Variants in ZBTB20 observed in about 807,000 individuals in gnomAD.
ZBTB20 encodes the protein zinc finger and BTB domain-containing protein 20.
Under a neutral mutation model 56.9 loss-of-function variants are expected in ZBTB20, and 9 were observed. The ratio of observed to expected loss-of-function variants is 0.16; its 90% CI spans 0.10 to 0.28. The LOEUF (loss-of-function observed/expected upper bound fraction) is 0.28. Among genes scored for constraint, ZBTB20 ranks in the 10% least tolerant of loss-of-function variants. The pLI is 1.00. For missense variants in ZBTB20, 655 were observed against 1,003.0 expected (o/e 0.65, Z 4.69); for synonymous variants, 417 against 420.7 (o/e 0.99, Z 0.11).
At chr3:114,525,498 C>A (rs1205677942) in intron 6 of ZBTB20, among the ~76,000 whole-genome samples, 2 of 152,032 alleles carry the variant, frequency 1.3e-5, no homozygotes, top group South Asian at 2.1e-4. Flanking sequence ...CATACCAATT[C>A]TTTGAGTCCC....
intron 10 of ZBTB20, among the ~76,000 whole-genome samples, chr3:114,365,767 T>C (rs2082333044): frequency 6.6e-6 from 1 of 152,140 alleles, no homozygotes; most frequent in South Asian, 2.1e-4. Flanking sequence ...ATGGTATCTA[T>C]CAAAAACAGG....
At chr3:114,913,024 A>C (rs2107716779) in intron 3 of ZBTB20, among the ~76,000 whole-genome samples, 1 of 152,158 alleles carries the variant, frequency 6.6e-6, no homozygotes, top group South Asian at 2.1e-4. Flanking sequence ...AGCTATTTTA[A>C]CTAGTGCTGC....
intron 6 of ZBTB20, among the ~76,000 whole-genome samples, chr3:114,673,745 A>C (rs543907760): frequency 6.6e-6 from 1 of 152,152 alleles, no homozygotes; most frequent in East Asian, 1.9e-4. Flanking sequence ...TAGGGAAAAT[A>C]TCTCATCAGT....
chr3:114,786,720 G>GT (rs2070519937), intron 5 of ZBTB20, among the ~76,000 whole-genome samples: 1 of 150,854 alleles, frequency 6.6e-6, no homozygotes, highest in South Asian at 2.1e-4. Flanking sequence ...GTGGCTAAAA[G>GT]AAAAAAAGTA....
At chr3:114,377,997 T>C (rs1205988687) in intron 10 of ZBTB20, among the ~76,000 whole-genome samples, 1 of 152,212 alleles carries the variant, frequency 6.6e-6, no homozygotes, top group African/African-American at 2.4e-5. Context: ...GCACTATTTT[T>C]AAATGCCCCA....
intron 1 of ZBTB20, among the ~76,000 whole-genome samples, chr3:115,092,119 A>C (rs1464804174): frequency 6.6e-6 from 1 of 152,182 alleles, no homozygotes; most frequent in African/African-American, 2.4e-5. Context: ...AAAAGTAGTA[A>C]AGTGCACACA....
chr3:114,373,514 T>C (rs750393979), intron 10 of ZBTB20, among the ~76,000 whole-genome samples: 2 of 152,228 alleles, frequency 1.3e-5, no homozygotes, highest in Admixed American at 1.3e-4. Context: ...CTATTCCTTC[T>C]GCCTGGAATG....
At chr3:114,368,740 C>T (rs912670442) in intron 10 of ZBTB20, among the ~76,000 whole-genome samples, 5 of 152,208 alleles carry the variant, frequency 3.3e-5, no homozygotes, top group East Asian at 1.9e-4. Context: ...AGTGGGGGCA[C>T]GCTTTGCCTG....
intron 4 of ZBTB20, among the ~76,000 whole-genome samples, chr3:114,838,854 A>G (rs1447008829): frequency 8.5e-5 from 13 of 152,206 alleles, no homozygotes; most frequent in Non-Finnish European, 1.6e-4. Flanking sequence ...GGAGTTTGCC[A>G]TCAGAGAGGC....
chr3:114,579,156 C>T (rs539065931), intron 6 of ZBTB20, among the ~76,000 whole-genome samples: 17 of 151,836 alleles, frequency 1.1e-4, no homozygotes, highest in African/African-American at 4.1e-4. Flanking sequence ...AAACCACCTA[C>T]AGATTTCAAG....
At chr3:114,928,032 T>C (rs1313413076) in intron 3 of ZBTB20, among the ~76,000 whole-genome samples, 1 of 152,270 alleles carries the variant, frequency 6.6e-6, no homozygotes, top group Non-Finnish European at 1.5e-5. Context: ...ATTAAGCTAC[T>C]ATGAGACTTT....
At chr3:114,382,520 C>A (rs2084501895) in intron 8 of ZBTB20, among the ~76,000 whole-genome samples, 3 of 152,186 alleles carry the variant, frequency 2.0e-5, no homozygotes, top group Admixed American at 6.5e-5. Context: ...TCCCATATTT[C>A]ATCTCTGCCC....
At chr3:114,673,158 G>C (rs1275979510) in intron 6 of ZBTB20, among the ~76,000 whole-genome samples, 1 of 152,064 alleles carries the variant, frequency 6.6e-6, no homozygotes, top group Non-Finnish European at 1.5e-5. Context: ...CCAAAGTAAG[G>C]ACAGCGGGCC....
At position 115,085,949 on chromosome 3, in the gene ZBTB20, A is replaced by C. The variant is rs2082970203; in HGVS notation, c.-702-14535T>G. Among the ~76,000 whole-genome samples, 4 of 152,030 alleles carry C rather than the reference A, an allele frequency of 2.6e-5. No homozygotes were observed. The South Asian group carries it at 8.3e-4, about 32-fold the overall frequency. ...CACTCAAATTTAGGAGTTCATAAAA[A>C]CAATTTTTAAAAGCACCTAAATATA... is the stretch of plus-strand genomic sequence containing the variant. On this transcript the variant is annotated intron_variant, in intron 1 of 11. Coordinates refer to ENST00000675478, the MANE Select transcript of ZBTB20 (RefSeq NM_001348800.3).
intron 6 of ZBTB20, among the ~76,000 whole-genome samples, chr3:114,610,532 C>T (rs188385576): frequency 1.9e-4 from 29 of 152,304 alleles, no homozygotes; most frequent in African/African-American, 6.5e-4. Context: ...CATTTTTCAT[C>T]CCAACTGCAG....
chr3:114,738,082 T>C (rs76985899), intron 5 of ZBTB20, among the ~76,000 whole-genome samples: 2 of 152,112 alleles, frequency 1.3e-5, no homozygotes, highest in African/African-American at 4.8e-5. Flanking sequence ...AATATGATAA[T>C]TTAATGTGAG....
chr3:114,639,343 T>C (rs938003442), intron 6 of ZBTB20, among the ~76,000 whole-genome samples: 2 of 152,052 alleles, frequency 1.3e-5, no homozygotes, highest in African/African-American at 2.4e-5. Flanking sequence ...TAGGGAGGAC[T>C]TTGGTGGCAG....
chr3:114,739,542 TCA>T (rs2066428830), intron 5 of ZBTB20, among the ~76,000 whole-genome samples: 2 of 152,226 alleles, frequency 1.3e-5, no homozygotes, highest in Admixed American at 1.3e-4. Flanking sequence ...CATCACTTAG[TCA>T]GTCTCCAACA....
intron 6 of ZBTB20, among the ~76,000 whole-genome samples, chr3:114,631,379 A>ACTC (rs2058931290): frequency 4.5e-5 from 1 of 22,382 alleles, no homozygotes; most frequent in Non-Finnish European, 1.1e-4. Context: ...TAAATAGGTT[A>ACTC]TTCTTTTTTT....
Sources: allele counts gnomAD v4.1 joint callset (sites outside exome capture counted in the v4.1 genomes callset), GRCh38; gene constraint gnomAD v4.1.1; transcripts MANE v1.5; gene names NCBI Gene and HGNC (gene_info 2026-07-23, HGNC 2026-07-21).